Variants in PDE8B observed in about 807,000 individuals in gnomAD.
The protein encoded by PDE8B is high affinity cAMP-specific and IBMX-insensitive 3',5'-cyclic phosphodiesterase 8B.
In PDE8B, 26 loss-of-function variants were observed where a neutral mutation model predicts 101.3. That is an observed-to-expected ratio of 0.26 (90% confidence interval 0.19 to 0.36). PDE8B has a LOEUF of 0.36. PDE8B is among the 10% of genes least tolerant of loss of function. The pLI, the probability that PDE8B is intolerant of heterozygous loss-of-function variation, is 1.00. For missense variants in PDE8B, 810 were observed against 1,163.1 expected (o/e 0.70, Z 4.42); for synonymous variants, 424 against 429.3 (o/e 0.99, Z 0.15).
chr5:77,379,453 G>GCTGT (rs1787028938), intron 10 of PDE8B, among the ~76,000 whole-genome samples: 1 of 152,208 alleles, frequency 6.6e-6, no homozygotes, highest in Non-Finnish European at 1.5e-5. Flanking sequence ...GGGGAGAGAT[G>GCTGT]CTGTTGCACT....
At chr5:77,253,757 C>G (rs1758551692) in intron 1 of PDE8B, among the ~76,000 whole-genome samples, 1 of 152,054 alleles carries the variant, frequency 6.6e-6, no homozygotes, top group Admixed American at 6.5e-5. Flanking sequence ...TTGAACCTTA[C>G]AAAGAGGGCA....
At chr5:77,391,411 A>C (rs1450567994) in intron 10 of PDE8B, among the ~76,000 whole-genome samples, 1 of 152,182 alleles carries the variant, frequency 6.6e-6, no homozygotes, top group Non-Finnish European at 1.5e-5. Flanking sequence ...CTTGTAGAGC[A>C]AGGAGTTATC....
At chr5:77,135,627 C>A in the PDE8B span, among the ~76,000 whole-genome samples, 1 of 152,050 alleles carries the variant, frequency 6.6e-6, no homozygotes. Flanking sequence ...CAGGCACGCG[C>A]CACCATGCCC....
chr5:77,291,561 T>A, intron 1 of PDE8B: 1 of 1,600,124 alleles, frequency 6.2e-7, no homozygotes, highest in African/African-American at 1.3e-5. Context: ...AAGTAGCAAC[T>A]TTACCAAAGA....
the PDE8B span, among the ~76,000 whole-genome samples, chr5:77,171,609 A>G: frequency 6.6e-6 from 1 of 152,186 alleles, no homozygotes; most frequent in Admixed American, 6.5e-5. Context: ...AGGTTGCAAG[A>G]GATGGGTTTT....
At chr5:77,141,893 A>G in the PDE8B span, 1 of 152,232 alleles carries the variant, frequency 6.6e-6, no homozygotes, top group East Asian at 1.9e-4. Context: ...CTATTAGGAT[A>G]TGAATTGTTA....
At chr5:77,167,648 C>A in the PDE8B span, among the ~76,000 whole-genome samples, 1 of 152,154 alleles carries the variant, frequency 6.6e-6, no homozygotes, top group Non-Finnish European at 1.5e-5. Context: ...AGAGAGATGT[C>A]CCCTCAATGT....
the PDE8B span, among the ~76,000 whole-genome samples, chr5:77,196,485 CATTG>C: frequency 1.3e-5 from 2 of 152,080 alleles, no homozygotes; most frequent in Non-Finnish European, 1.5e-5. Flanking sequence ...TTCTTTTGCA[CATTG>C]ATTGATTTTT....
chr5:77,402,335 A>G lies in PDE8B; in HGVS notation c.1210+2045A>G, dbSNP rs7735605. On this transcript the variant is annotated intron_variant, in intron 11 of 21. Transcript: ENST00000264917. ...AGAATTTGGAAGATAAAAATTAGGA[A>G]AAGAGATAGTATAATAAATATTTTA... Among the ~76,000 whole-genome samples, 1,312 of 152,212 alleles carry G rather than the reference A, an allele frequency of 8.6e-3. 26 individuals carry two copies. Among genetic ancestry groups the G allele is most frequent in the African/African-American group, 0.03 (1,260 of 41,582 alleles).
the PDE8B span, among the ~76,000 whole-genome samples, chr5:77,126,641 A>T: frequency 2.0e-5 from 3 of 151,856 alleles, no homozygotes; most frequent in African/African-American, 7.2e-5. Context: ...GTGGTATTGA[A>T]CTCCTGAGCT....
intron 10 of PDE8B, among the ~76,000 whole-genome samples, chr5:77,362,554 T>C (rs1783305460): frequency 6.6e-6 from 1 of 152,234 alleles, no homozygotes; most frequent in Non-Finnish European, 1.5e-5. Flanking sequence ...AAGCTGGTGG[T>C]TAAACTCTTA....
the PDE8B span, among the ~76,000 whole-genome samples, chr5:77,198,906 A>C: frequency 6.6e-6 from 1 of 152,152 alleles, no homozygotes; most frequent in Non-Finnish European, 1.5e-5. Context: ...TGTGAGAACT[A>C]TACTGCATTG....
At chr5:77,131,641 G>C in the PDE8B span, among the ~76,000 whole-genome samples, 1 of 152,202 alleles carries the variant, frequency 6.6e-6, no homozygotes, top group Non-Finnish European at 1.5e-5. Context: ...ACTATTTGCT[G>C]GAGCCTTCTT....
chr5:77,266,564 T>C (rs1054115105), intron 1 of PDE8B, among the ~76,000 whole-genome samples: 1 of 152,208 alleles, frequency 6.6e-6, no homozygotes, highest in Non-Finnish European at 1.5e-5. Context: ...TAATCAGCAC[T>C]ATATATATTT....
chr5:77,361,484 A>G (rs1783080760), intron 10 of PDE8B, among the ~76,000 whole-genome samples: 1 of 151,556 alleles, frequency 6.6e-6, no homozygotes, highest in Admixed American at 6.6e-5. Context: ...TGAAATTTCT[A>G]TGTACACCTT....
At chr5:77,290,950 A>G (rs1158945281) in intron 1 of PDE8B, 2 of 1,611,206 alleles carry the variant, frequency 1.2e-6, no homozygotes, top group Admixed American at 1.7e-5. Context: ...GGTGGAGCAG[A>G]TACCGGCACA....
At chr5:77,411,299 C>T (rs1001819835) in intron 14 of PDE8B, among the ~76,000 whole-genome samples, 1 of 152,154 alleles carries the variant, frequency 6.6e-6, no homozygotes, top group African/African-American at 2.4e-5. Flanking sequence ...ACACAATTAA[C>T]ACAGTCCCTC....
At chr5:77,255,513 T>C (rs2149656364) in intron 1 of PDE8B, among the ~76,000 whole-genome samples, 1 of 152,346 alleles carries the variant, frequency 6.6e-6, no homozygotes, top group South Asian at 2.1e-4. Flanking sequence ...TGCCAGGACC[T>C]TGAAGCCTTG....
the PDE8B span, among the ~76,000 whole-genome samples, chr5:77,178,414 A>G: frequency 6.6e-6 from 1 of 152,034 alleles, no homozygotes; most frequent in Non-Finnish European, 1.5e-5. Flanking sequence ...CACAAATCTC[A>G]GCCTGCACTT....
Sources: allele counts gnomAD v4.1 joint callset (sites outside exome capture counted in the v4.1 genomes callset), GRCh38; gene constraint gnomAD v4.1.1; transcripts MANE v1.5; gene names NCBI Gene and HGNC (gene_info 2026-07-23, HGNC 2026-07-21).